Variants in MRGPRG observed in about 807,000 individuals in gnomAD.
MRGPRG encodes mas-related G protein-coupled receptor member G.
For missense variants in MRGPRG, 395 were observed against 394.7 expected, an observed-to-expected ratio of 1.00 and a Z score of -0.01; for synonymous variants, 216 against 206.7, an observed-to-expected ratio of 1.05 and a Z score of -0.39.
rs1430747936 is a variant in MRGPRG, at chr11:3,217,978, G to T, written c.836C>A (p.Ala279Asp). 1.1e-5 allele frequency: 17 copies of T among 1,512,868 alleles called. 1 individual carries two copies. The African/African-American group carries it at 2.4e-4, about 21-fold the overall frequency. The allele number at this position is 1,512,868 out of a possible 1,614,324, so 93.7% of individuals were successfully genotyped here. ...ACCCATGGGCAGGGACTGTCCCCTG[G>T]CACCCAGCTCGGCGCCCTCCCCCAG... ...RALGEGAELG[A>D]RGQSLPMGLL The change falls in exon 1 of 1, where the codon GCC becomes GAC. Residue 279 changes from alanine (A) to aspartate (D), a missense_variant. Transcript: ENST00000332314. The surrounding 1 kb of genome is among the most constrained non-coding windows in gnomAD (Gnocchi z 6.5).
At position 3,218,018 on chromosome 11, in the gene MRGPRG, C is replaced by T; in HGVS notation, c.796G>A (p.Val266Ile). The T allele has an allele frequency of 3.9e-6, 6 of 1,542,238 alleles. 1 individual carries two copies. The highest frequency in any genetic ancestry group is 5.3e-6 in the Non-Finnish European group (6 of 1,142,438). ...QPGKREPLRS[V>I]LRRALGEGAE... ...CCCTCCCCCAGGGCCCTCCGCAGTA[C>T]CGACCTCAGCGGCTCCCGCTTCCCG... The change falls in exon 1 of 1, where the codon GTA becomes ATA. Residue 266 changes from valine (V) to isoleucine (I), a missense_variant. By Grantham distance (29) the Val-to-Ile change is conservative. Coordinates refer to ENST00000332314, the MANE Select transcript of MRGPRG (RefSeq NM_001164377.1).
Sources: allele counts gnomAD v4.1 joint callset, GRCh38; gene constraint gnomAD v4.1.1; non-coding constraint Gnocchi (gnomAD v3.1); transcripts MANE v1.5; gene names NCBI Gene and HGNC (gene_info 2026-07-23, HGNC 2026-07-21).